The following TRIM39 variants were observed in gnomAD, a reference collection of about 807,000 sequenced individuals.
The protein encoded by TRIM39 is tripartite motif containing 39, also known as E3 ubiquitin-protein ligase TRIM39.
A neutral mutation model predicts 53.6 loss-of-function variants in TRIM39; 5 were observed. The observed-to-expected ratio is 0.09, with a 90% CI of 0.05 to 0.20. TRIM39 has a LOEUF of 0.20. Ranked by LOEUF, TRIM39 falls within the 10% of genes least tolerant of loss-of-function variation. TRIM39 has a pLI of 1.00. For synonymous variants in TRIM39, 196 were observed against 237.6 expected (o/e 0.82, Z 1.61); for missense variants, 310 against 621.0 (o/e 0.50, Z 5.32).
Position 30,335,327 on chromosome 6 carries a change from C to CCTGT in TRIM39, c.550-407_550-404dup, listed in dbSNP as rs749529392. ...TGTCTTTGTCTTTCTGTCTTTCTTT[C>CCTGT]CTGTCTGTCTGTCTTTCATCTCGAT... On this transcript the variant is annotated intron_variant, in intron 4 of 7. Transcript: ENST00000396551. The surrounding 1 kb of genome is among the most constrained non-coding windows in gnomAD (Gnocchi z 4.7). 6.6e-6 allele frequency among the ~76,000 whole-genome samples: 1 copy of CCTGT among 151,848 alleles called. No homozygotes were observed. The highest frequency in any genetic ancestry group is 1.5e-5 in the Non-Finnish European group (1 of 67,980).
At chr6:30,330,905 C>T (rs779588619) in intron 4 of TRIM39, 29 bp downstream of exon 4, 1 of 1,610,200 alleles carries the variant, frequency 6.2e-7, no homozygotes, top group South Asian at 1.1e-5. Flanking sequence ...ATGTAGGCTG[C>T]TCTGAAGGGT....
chr6:30,340,185 A>G (rs1397155099), intron 6 of TRIM39: 2 of 1,225,700 alleles, frequency 1.6e-6, no homozygotes, highest in African/African-American at 1.5e-5. Context: ...TACTTGTGCC[A>G]GTGGGTGGAA....
At chr6:30,330,174 T>C (rs1220658509) in intron 3 of TRIM39, among the ~76,000 whole-genome samples, 2 of 152,242 alleles carry the variant, frequency 1.3e-5, no homozygotes, top group East Asian at 3.8e-4. Context: ...CGCTTGAGAC[T>C]GATACCTACC....
intron 6 of TRIM39, chr6:30,340,187 T>A: frequency 8.1e-7 from 1 of 1,236,046 alleles, no homozygotes; most frequent in Non-Finnish European, 1.2e-6. Flanking sequence ...CTTGTGCCAG[T>A]GGGTGGAATT....
At position 30,335,633 on chromosome 6, in the gene TRIM39, C is replaced by T. The variant is rs1009067184; in HGVS notation, c.550-112C>T. The T allele has an allele frequency of 5.7e-6, 8 of 1,391,484 alleles. No individual in the cohort carries two copies. The highest frequency in any genetic ancestry group is 3.8e-6 in the Non-Finnish European group (4 of 1,042,654). 86.2% of individuals were successfully genotyped at this position (1,391,484 alleles called of 1,614,324 possible). A position where few individuals can be genotyped will look rare whatever the true frequency, so the allele number is the denominator to read the frequency against. ...TCACCACACCCAGCCTTTGTTAAAC[C>T]ATTTTCAATGAAACTGGAAGTCTGT... On this transcript the variant is annotated intron_variant, in intron 4 of 7. Coordinates refer to ENST00000396551, the Ensembl canonical transcript of TRIM39. The surrounding 1 kb of genome is among the most constrained non-coding windows in gnomAD (Gnocchi z 4.7).
Position 30,339,285 on chromosome 6 carries a change from GT to G in TRIM39, c.781-621del, listed in dbSNP as rs1787223023. Among the ~76,000 whole-genome samples the G allele has an allele frequency of 6.6e-6, 1 of 151,778 alleles. No homozygotes were observed. The highest frequency in any genetic ancestry group is 2.1e-4 in the South Asian group (1 of 4,806). ...TGCCTCAGCCTCCTGAGTAGCTGGG[GT>G]TACAGGCGCACACCACCACACCTGG... On this transcript the variant is annotated intron_variant, in intron 5 of 7. Transcript: ENST00000396551. This position sits in a 1 kb window ranked among gnomAD's most constrained non-coding sequence, Gnocchi z 4.2.
chr6:30,336,398 C>G (rs1786864920), intron 5 of TRIM39, among the ~76,000 whole-genome samples: 1 of 152,182 alleles, frequency 6.6e-6, no homozygotes, highest in Non-Finnish European at 1.5e-5. Flanking sequence ...GGGTTCAGTT[C>G]CATACCACTT....
chr6:30,329,608 C>T, exon 3 of TRIM39: 3 of 1,613,106 alleles, frequency 1.9e-6, no homozygotes, highest in East Asian at 4.5e-5. Flanking sequence ...TCCAGGCCGT[C>T]AAGCGGAAGA....
At chr6:30,330,345 C>T (rs958348407) in intron 3 of TRIM39, among the ~76,000 whole-genome samples, 1 of 152,190 alleles carries the variant, frequency 6.6e-6, no homozygotes, top group Non-Finnish European at 1.5e-5. Flanking sequence ...AGTTATGTTA[C>T]TCTTGAAAAC....
At chr6:30,333,353 G>GTTTTTTTTTTTTTTTTT (rs9278647) in intron 4 of TRIM39, among the ~76,000 whole-genome samples, 1 of 106,086 alleles carries the variant, frequency 9.4e-6, no homozygotes, top group Non-Finnish European at 1.9e-5. Flanking sequence ...TGTTTTTGTG[G>GTTTTTTTTTTTTTTTTT]TTTTTTTTTT....
At chr6:30,330,131 G>T (rs1403067526) in intron 3 of TRIM39, among the ~76,000 whole-genome samples, 8 of 152,210 alleles carry the variant, frequency 5.3e-5, no homozygotes, top group Non-Finnish European at 1.2e-4. Context: ...AATGCTCCTT[G>T]TTTTCACACT....
At chr6:30,329,132 A>G (rs1785801038) in intron 2 of TRIM39, 91 bp downstream of exon 2, 2 of 740,190 alleles carry the variant, frequency 2.7e-6, no homozygotes, top group South Asian at 4.3e-5. Context: ...AGTTTTGAAA[A>G]TGGAGAAACA....
At chr6:30,328,266 T>C (rs1278573764) in intron 1 of TRIM39, among the ~76,000 whole-genome samples, 1 of 152,232 alleles carries the variant, frequency 6.6e-6, no homozygotes, top group Non-Finnish European at 1.5e-5. Flanking sequence ...TCACTACAAA[T>C]AGACTCGTTG....
intron 1 of TRIM39, chr6:30,327,205 T>G (rs958163558): frequency 6.6e-6 from 1 of 152,654 alleles, no homozygotes; most frequent in East Asian, 1.9e-4. Flanking sequence ...CGTTCCCCCG[T>G]CCCGCTGCTG....
chr6:30,336,258 A>G, intron 5 of TRIM39: 1 of 669,346 alleles, frequency 1.5e-6, no homozygotes, highest in East Asian at 2.9e-5. Flanking sequence ...TGAGTTAGTG[A>G]AAAACTATGC....
intron 5 of TRIM39, among the ~76,000 whole-genome samples, chr6:30,336,984 G>A (rs893171997): frequency 3.3e-5 from 5 of 152,206 alleles, no homozygotes; most frequent in Admixed American, 6.5e-5. Flanking sequence ...GTTAGCGGAC[G>A]TGAAAACAAC....
At chr6:30,341,468 A>T (rs1338544156) in intron 7 of TRIM39, 1 of 727,654 alleles carries the variant, frequency 1.4e-6, no homozygotes, top group Non-Finnish European at 2.5e-6. Flanking sequence ...GCGGGAACCT[A>T]GATTACCAGC....
At chr6:30,333,846 A>G (rs1214109010) in intron 4 of TRIM39, among the ~76,000 whole-genome samples, 30 of 152,202 alleles carry the variant, frequency 2.0e-4, no homozygotes, top group Non-Finnish European at 1.5e-5. Flanking sequence ...CAGCTTCATC[A>G]AGAACCACTG....
intron 2 of TRIM39, 85 bp downstream of exon 2, chr6:30,329,126 T>C: frequency 1.4e-6 from 1 of 704,516 alleles, no homozygotes; most frequent in South Asian, 2.3e-5. Flanking sequence ...GTCACAAGTT[T>C]TGAAAATGGA....
Sources: allele counts gnomAD v4.1 joint callset (sites outside exome capture counted in the v4.1 genomes callset), GRCh38; gene constraint gnomAD v4.1.1; non-coding constraint Gnocchi (gnomAD v3.1); transcripts MANE v1.5; gene names NCBI Gene and HGNC (gene_info 2026-07-23, HGNC 2026-07-21).